Variants in RNF8 observed in about 807,000 individuals in gnomAD.
The protein encoded by RNF8 is ring finger protein 8.
In RNF8, 8 loss-of-function variants were observed where a neutral mutation model predicts 59.3. That is an observed-to-expected ratio of 0.13 (90% confidence interval 0.08 to 0.24). The LOEUF is 0.24. Among genes scored for constraint, RNF8 ranks in the 10% least tolerant of loss-of-function variants. The pLI is 1.00. For synonymous variants in RNF8, 162 were observed against 200.0 expected (o/e 0.81, Z 1.60); for missense variants, 406 against 572.6 (o/e 0.71, Z 2.97).
chr6:37,363,108 C>T (rs186426602), intron 2 of RNF8, among the ~76,000 whole-genome samples: 2 of 152,292 alleles, frequency 1.3e-5, no homozygotes, highest in African/African-American at 2.4e-5. Flanking sequence ...TTGCTTTTCA[C>T]CTGCTGCCTG....
intron 7 of RNF8, among the ~76,000 whole-genome samples, chr6:37,385,297 G>A (rs1011729939): frequency 1.3e-5 from 2 of 151,276 alleles, no homozygotes; most frequent in African/African-American, 4.8e-5. Flanking sequence ...ACAGGCGTGA[G>A]CCACCGCGCC....
At chr6:37,361,593 A>T (rs369546750) in intron 2 of RNF8, 186 of 329,956 alleles carry the variant, frequency 5.6e-4, no homozygotes, top group South Asian at 3.1e-3. Flanking sequence ...GTTAATGTTT[A>T]GGAAGTATAA....
chr6:37,378,776 C>T (rs1215613956), intron 6 of RNF8, among the ~76,000 whole-genome samples: 1 of 152,086 alleles, frequency 6.6e-6, no homozygotes, highest in Non-Finnish European at 1.5e-5. Context: ...AATTTCTAGT[C>T]ATCTGATTCT....
Position 37,386,500 on chromosome 6 carries a change from A to C in RNF8, c.1442-4242A>C, listed in dbSNP as rs371814326. ...GATGCTATTAATCATCTTTCAGTAC[A>C]CCCTAAATGTATGGAAGATTGAGTT... On this transcript the variant is annotated intron_variant, in intron 7 of 7. Coordinates refer to ENST00000373479, the MANE Select transcript of RNF8 (RefSeq NM_003958.4). Among the ~76,000 whole-genome samples the C allele has an allele frequency of 1.6e-4, 24 of 152,198 alleles. No individual in the cohort carries two copies. The East Asian group carries it at 4.1e-3, about 26-fold the overall frequency.
intron 7 of RNF8, among the ~76,000 whole-genome samples, chr6:37,383,999 C>T (rs1770387779): frequency 6.6e-6 from 1 of 151,994 alleles, no homozygotes; most frequent in South Asian, 2.1e-4. Context: ...TTTTGCTTTT[C>T]CTAGCGGTTT....
At chr6:37,383,720 G>A (rs1386187015) in intron 7 of RNF8, among the ~76,000 whole-genome samples, 1 of 152,222 alleles carries the variant, frequency 6.6e-6, no homozygotes, top group Non-Finnish European at 1.5e-5. Flanking sequence ...GGAGTGTTAG[G>A]ATGCTGGGTC....
At chr6:37,363,792 TAAATTGTGGAATAATC>T (rs1341526356) in intron 2 of RNF8, among the ~76,000 whole-genome samples, 3 of 152,216 alleles carry the variant, frequency 2.0e-5, no homozygotes, top group African/African-American at 7.2e-5. Context: ...GTAGAATGGA[TAAATTGTGGAATAATC>T]TTATATTGAA....
chr6:37,358,468 A>G (rs553883864), intron 1 of RNF8, among the ~76,000 whole-genome samples: 62 of 152,366 alleles, frequency 4.1e-4, no homozygotes, highest in Non-Finnish European at 6.9e-4. Context: ...CTGCAGAGAT[A>G]GGAATGAACA....
At chr6:37,376,469 G>A (rs1030436367) in intron 5 of RNF8, among the ~76,000 whole-genome samples, 45 of 152,326 alleles carry the variant, frequency 3.0e-4, no homozygotes, top group African/African-American at 1.1e-3. Flanking sequence ...CATGTTTGGT[G>A]TCTGGTGAGG....
Position 37,372,707 on chromosome 6 carries a change from C to A in RNF8, c.1038+1133C>A, listed in dbSNP as rs151284669. Among the ~76,000 whole-genome samples, 613 of 152,306 alleles carry A rather than the reference C, an allele frequency of 4.0e-3. 2 individuals are homozygous for A. Among genetic ancestry groups the A allele is most frequent in the African/African-American group, 0.014 (591 of 41,556 alleles). ...CTTTTAGACCGGGCACGGTGGCTCA[C>A]GCCTGTAATCCCGGCACTTTGGGAG... On this transcript the variant is annotated intron_variant, in intron 4 of 7. Coordinates refer to ENST00000373479, the MANE Select transcript of RNF8 (RefSeq NM_003958.4).
rs1581705897 is a variant in RNF8 at position 37,392,157 on chromosome 6, A to T, written c.*1399A>T. ...AAGTTAAATGTGGAAAAAATGCTTTAAAAGTACTTACTATAACCACATCAT... is the reference window on the plus strand; with the variant it reads ...AAGTTAAATGTGGAAAAAATGCTTTTAAAGTACTTACTATAACCACATCAT... On this transcript the variant is annotated 3_prime_UTR_variant, in exon 8 of 8. Transcript: ENST00000373479. 1 of 274,256 alleles carries T rather than the reference A, an allele frequency of 3.6e-6. No homozygotes were observed. Among genetic ancestry groups the T allele is most frequent in the East Asian group, 6.4e-5 (1 of 15,720 alleles). 17.0% of individuals were successfully genotyped at this position (274,256 alleles called of 1,614,324 possible).
At chr6:37,367,012 C>T (rs1442738679) in intron 2 of RNF8, among the ~76,000 whole-genome samples, 1 of 152,176 alleles carries the variant, frequency 6.6e-6, no homozygotes, top group African/African-American at 2.4e-5. Flanking sequence ...TCTTTTCCAC[C>T]ATCAGCTGCT....
At chr6:37,389,915 C>T (rs1221425156) in intron 7 of RNF8, among the ~76,000 whole-genome samples, 1 of 152,208 alleles carries the variant, frequency 6.6e-6, no homozygotes, top group Non-Finnish European at 1.5e-5. Context: ...CTTCTGTAGT[C>T]CTTTCAATCC....
intron 2 of RNF8, among the ~76,000 whole-genome samples, chr6:37,364,440 G>A (rs568426017): frequency 8.8e-4 from 134 of 152,176 alleles, no homozygotes; most frequent in Middle Eastern, 6.8e-3. Context: ...ACTGTTCATC[G>A]AGTTGGTACA....
intron 6 of RNF8, among the ~76,000 whole-genome samples, chr6:37,377,291 A>C (rs1374214298): frequency 6.6e-6 from 1 of 151,866 alleles, no homozygotes; most frequent in African/African-American, 2.4e-5. Flanking sequence ...TGGCTAGGCT[A>C]GTCTCGAACT....
intron 1 of RNF8, among the ~76,000 whole-genome samples, chr6:37,358,305 A>C (rs1487735032): frequency 6.6e-6 from 1 of 152,200 alleles, no homozygotes; most frequent in Non-Finnish European, 1.5e-5. Flanking sequence ...CCATGGAAGG[A>C]AGTTTGAATG....
rs1770770045 is a variant in RNF8 at position 37,393,114 on chromosome 6, G to A, written c.*2356G>A. 1 of 153,040 alleles carries A rather than the reference G, an allele frequency of 6.5e-6. No homozygotes were observed. Among genetic ancestry groups the A allele is most frequent in the African/African-American group, 2.4e-5 (1 of 41,460 alleles). 9.5% of individuals were successfully genotyped at this position (153,040 alleles called of 1,614,324 possible). A position where few individuals can be genotyped will look rare whatever the true frequency, so the allele number is the denominator to read the frequency against. ...TGTTCCACAACATCTAGGAAAGTGAGCTCTTAAAGACAGACTAAAAAGAGT... is the reference window on the plus strand; with the variant it reads ...TGTTCCACAACATCTAGGAAAGTGAACTCTTAAAGACAGACTAAAAAGAGT... On this transcript the variant is annotated 3_prime_UTR_variant, in exon 8 of 8. Coordinates refer to ENST00000373479, the MANE Select transcript of RNF8 (RefSeq NM_003958.4).
intron 2 of RNF8, among the ~76,000 whole-genome samples, chr6:37,365,124 G>T (rs769509024): frequency 5.9e-5 from 9 of 152,262 alleles, no homozygotes; most frequent in Non-Finnish European, 1.0e-4. Flanking sequence ...ACTAGGGAAT[G>T]GATAAACTGT....
chr6:37,385,042 T>G (rs1270938653), intron 7 of RNF8, among the ~76,000 whole-genome samples: 1 of 151,938 alleles, frequency 6.6e-6, no homozygotes, highest in Non-Finnish European at 1.5e-5. Flanking sequence ...AGATGGCGTT[T>G]CGCTCTTGTT....
Sources: gnomAD v4.1 joint callset for allele counts (sites outside exome capture counted in the v4.1 genomes callset) on GRCh38, gnomAD v4.1.1 for gene constraint, MANE v1.5 for transcripts, NCBI Gene and HGNC (gene_info 2026-07-23, HGNC 2026-07-21) for gene names.